Variants in CAMTA1 observed in about 807,000 individuals in gnomAD.
CAMTA1 encodes the protein calmodulin-binding transcription activator 1.
A neutral mutation model predicts 170.9 loss-of-function variants in CAMTA1; 27 were observed. The ratio of observed to expected loss-of-function variants is 0.16; its 90% CI spans 0.12 to 0.22. The LOEUF (loss-of-function observed/expected upper bound fraction) is 0.22. Ranked by LOEUF, CAMTA1 falls within the 10% of genes least tolerant of loss-of-function variation. The pLI is 1.00. For synonymous variants in CAMTA1, 833 were observed against 891.5 expected (o/e 0.93, Z 1.17); for missense variants, 1,619 against 2,217.2 (o/e 0.73, Z 5.42).
At chr1:7,595,416 C>T (rs760801960) in intron 6 of CAMTA1, among the ~76,000 whole-genome samples, 1 of 152,214 alleles carries the variant, frequency 6.6e-6, no homozygotes, top group African/African-American at 2.4e-5. Context: ...TCAGTTCTCC[C>T]GTCTGTAGCA....
chr1:7,284,126 G>GTTCTTCTTCTTCTTCTTC (rs202166286), intron 5 of CAMTA1, among the ~76,000 whole-genome samples: 51 of 106,980 alleles, frequency 4.8e-4, no homozygotes, highest in East Asian at 2.2e-3. Flanking sequence ...ATTTGCTGCT[G>GTTCTTCTTCTTCTTCTTC]TTCTTCTTCT....
At chr1:7,079,174 A>G (rs1639689761) in intron 3 of CAMTA1, among the ~76,000 whole-genome samples, 1 of 152,230 alleles carries the variant, frequency 6.6e-6, no homozygotes, top group Admixed American at 6.5e-5. Flanking sequence ...AGAAGCAATA[A>G]TAGTAGGGTA....
chr1:7,619,572 G>T (rs1186726406), intron 6 of CAMTA1, among the ~76,000 whole-genome samples: 1 of 152,146 alleles, frequency 6.6e-6, no homozygotes, highest in African/African-American at 2.4e-5. Flanking sequence ...TGAGGAAGAT[G>T]GGAGAATAAT....
At chr1:7,623,601 G>C (rs950792388) in intron 6 of CAMTA1, among the ~76,000 whole-genome samples, 27 of 152,136 alleles carry the variant, frequency 1.8e-4, no homozygotes, top group African/African-American at 6.3e-4. Context: ...TGGGTTCAAG[G>C]GATTCTCCTG....
intron 4 of CAMTA1, among the ~76,000 whole-genome samples, chr1:7,096,681 C>T (rs573675906): frequency 6.6e-6 from 1 of 152,328 alleles, no homozygotes; most frequent in African/African-American, 2.4e-5. Flanking sequence ...AATTCACATC[C>T]TCATTTTCGT....
In CAMTA1 at chr1:7,540,073, A is replaced by C. The variant is rs184045913; in HGVS notation, c.510+72172A>C. On this transcript the variant is annotated intron_variant, in intron 6 of 22. Transcript: ENST00000303635. ...CTTCCTCTGAACCCTGTACACACCCAACGTTGTACATCCTTCTCTGTGTGC... is the reference window on the plus strand; with the variant it reads ...CTTCCTCTGAACCCTGTACACACCCCACGTTGTACATCCTTCTCTGTGTGC... Among the ~76,000 whole-genome samples the C allele has an allele frequency of 1.3e-3, 195 of 152,210 alleles. 1 individual carries two copies. Among genetic ancestry groups the C allele is most frequent in the African/African-American group, 4.7e-3 (194 of 41,526 alleles).
Position 7,674,927 on chromosome 1 carries a change from C to A in CAMTA1, c.2780-2672C>A, listed in dbSNP as rs1373247365. 1.3e-5 allele frequency among the ~76,000 whole-genome samples: 2 copies of A among 152,180 alleles called. No individual in the cohort carries two copies. Among genetic ancestry groups the A allele is most frequent in the African/African-American group, 4.8e-5 (2 of 41,444 alleles). On this transcript the variant is annotated intron_variant, in intron 10 of 22. Coordinates refer to ENST00000303635, the MANE Select transcript of CAMTA1 (RefSeq NM_015215.4). The surrounding 1 kb of genome is among the most constrained non-coding windows in gnomAD (Gnocchi z 4.1). ...CATGAAGATTAAGACAGAGCCAGTC[C>A]CAGCTCTCATGAGCTAATGTTCTAC...
At chr1:7,009,253 G>C (rs1557964480) in intron 3 of CAMTA1, among the ~76,000 whole-genome samples, 1 of 152,234 alleles carries the variant, frequency 6.6e-6, no homozygotes, top group Non-Finnish European at 1.5e-5. Context: ...GCTGGAGGCT[G>C]CTGGGAGGTT....
At chr1:6,921,285 T>C (rs1681951226) in intron 3 of CAMTA1, among the ~76,000 whole-genome samples, 1 of 152,194 alleles carries the variant, frequency 6.6e-6, no homozygotes, top group Non-Finnish European at 1.5e-5. Context: ...CACTCTTTGC[T>C]AAAACTTAAC....
At chr1:7,403,753 G>A (rs1206614557) in intron 5 of CAMTA1, among the ~76,000 whole-genome samples, 1 of 152,330 alleles carries the variant, frequency 6.6e-6, no homozygotes, top group Non-Finnish European at 1.5e-5. Context: ...ATCTGGCATG[G>A]GAAGAAGTTG....
intron 11 of CAMTA1, among the ~76,000 whole-genome samples, chr1:7,683,099 C>T (rs1464363425): frequency 5.3e-5 from 8 of 150,450 alleles, no homozygotes; most frequent in Middle Eastern, 3.4e-3. Flanking sequence ...GGCTTGAACC[C>T]GGGAGGCGGA....
At chr1:7,598,309 C>T (rs968368171) in intron 6 of CAMTA1, among the ~76,000 whole-genome samples, 6 of 152,182 alleles carry the variant, frequency 3.9e-5, no homozygotes, top group Non-Finnish European at 8.8e-5. Context: ...TGTATATGTG[C>T]CACATTTTCT....
chr1:7,611,045 C>T (rs2095520248), intron 6 of CAMTA1, among the ~76,000 whole-genome samples: 1 of 152,202 alleles, frequency 6.6e-6, no homozygotes, highest in Non-Finnish European at 1.5e-5. Flanking sequence ...AATCACCTTG[C>T]CTCTCGAAGT....
chr1:7,348,889 C>T (rs912174024), intron 5 of CAMTA1, among the ~76,000 whole-genome samples: 2 of 152,234 alleles, frequency 1.3e-5, no homozygotes, highest in African/African-American at 4.8e-5. Flanking sequence ...CGACATCCCT[C>T]AGTTGCCCAT....
intron 5 of CAMTA1, among the ~76,000 whole-genome samples, chr1:7,260,415 C>T (rs1667999634): frequency 6.6e-6 from 1 of 152,212 alleles, no homozygotes; most frequent in African/African-American, 2.4e-5. Context: ...CTTGAATTGT[C>T]CTCAGCCTGA....
At chr1:7,694,552 A>C (rs2096354049) in intron 11 of CAMTA1, 1 of 152,816 alleles carries the variant, frequency 6.5e-6, no homozygotes, top group South Asian at 2.1e-4. Flanking sequence ...CCTGGAAACA[A>C]CACTGCCTCC....
At chr1:6,813,019 C>G (rs533820500) in intron 1 of CAMTA1, among the ~76,000 whole-genome samples, 1 of 152,330 alleles carries the variant, frequency 6.6e-6, no homozygotes, top group South Asian at 2.1e-4. Flanking sequence ...CGGCTACCTA[C>G]CAGACTTTTT....
chr1:7,065,006 C>A lies in CAMTA1; in HGVS notation c.235-26298C>A, dbSNP rs997695701. The stretch of plus-strand genomic sequence containing the variant: ...TCAGTACCTAGGTCACCAGCAGTGT[C>A]ATCTACCGAGAAGGCAAAGCCTGGG... On this transcript the variant is annotated intron_variant, in intron 3 of 22. Coordinates refer to ENST00000303635, the MANE Select transcript of CAMTA1 (RefSeq NM_015215.4). This position sits in a 1 kb window ranked among gnomAD's most constrained non-coding sequence, Gnocchi z 5.2. Among the ~76,000 whole-genome samples, 1 of 152,126 alleles carries A rather than the reference C, an allele frequency of 6.6e-6. No homozygotes were observed. Among genetic ancestry groups the A allele is most frequent in the Non-Finnish European group, 1.5e-5 (1 of 68,028 alleles).
At chr1:7,233,099 G>A (rs1663148580) in intron 4 of CAMTA1, among the ~76,000 whole-genome samples, 4 of 152,140 alleles carry the variant, frequency 2.6e-5, no homozygotes, top group African/African-American at 9.7e-5. Flanking sequence ...GCCTTGAATT[G>A]CATGCTAATG....
Sources: allele counts gnomAD v4.1 joint callset (sites outside exome capture counted in the v4.1 genomes callset), GRCh38; gene constraint gnomAD v4.1.1; non-coding constraint Gnocchi (gnomAD v3.1); transcripts MANE v1.5; gene names NCBI Gene and HGNC (gene_info 2026-07-23, HGNC 2026-07-21).